ZNRF3: variants seen among roughly 807,000 people sequenced by gnomAD.
ZNRF3 encodes the protein zinc and ring finger 3, also known as E3 ubiquitin-protein ligase ZNRF3.
In ZNRF3, 23 loss-of-function variants were observed where a neutral mutation model predicts 72.5. The observed-to-expected ratio is 0.32, with a 90% confidence interval of 0.23 to 0.45. The LOEUF is 0.45. Among genes scored for constraint, ZNRF3 ranks in the 20% least tolerant of loss-of-function variants. ZNRF3 has a pLI of 1.00. For missense variants in ZNRF3, 1,169 were observed against 1,272.1 expected (o/e 0.92, Z 1.23); for synonymous variants, 610 against 545.3 (o/e 1.12, Z -1.65).
In ZNRF3 at chr22:29,050,004, G is replaced by C. The variant is rs2037160270; in HGVS notation, c.1823G>C (p.Ser608Thr). 4 of 1,611,816 alleles carry C rather than the reference G, an allele frequency of 2.5e-6. No homozygotes were observed. In the South Asian group the frequency reaches 4.4e-5, roughly 18 times the overall value. Residue 608 changes from serine (S) to threonine (T), a missense_variant, in exon 8 of 9, where the codon AGT becomes ACT. Physicochemically the swap from Ser to Thr is moderately conservative, Grantham distance 58. Around this residue, in one of 2 missense-constraint regions of ZNRF3, gnomAD observed 783 missense variants for 731.4 expected, o/e 1.07. Transcript: ENST00000544604. ...CGCAGCCGGAGCCCCTGTCGTGCCA[G>C]TGAGGCGGGGGGCTCGGGCAGCTCG... Reference protein sequence around the residue: ...IYRSRSPCRASEAGGSGSSGR... With the variant: ...IYRSRSPCRATEAGGSGSSGR...
At chr22:28,933,434 C>T (rs1044448182) in intron 1 of ZNRF3, among the ~76,000 whole-genome samples, 1 of 152,124 alleles carries the variant, frequency 6.6e-6, no homozygotes, top group Admixed American at 6.5e-5. Context: ...TTTGAGTCTC[C>T]TGGTGCTCAT....
Position 29,053,137 on chromosome 22 carries a change from G to A in ZNRF3, c.2768-442G>A, listed in dbSNP as rs150377435. Among the ~76,000 whole-genome samples the A allele has an allele frequency of 4.4e-3, 675 of 152,044 alleles. 8 individuals carry two copies. Among genetic ancestry groups the A allele is most frequent in the Non-Finnish European group, 2.8e-3 (190 of 67,998 alleles). On this transcript the variant is annotated intron_variant, in intron 8 of 8. Coordinates refer to ENST00000544604, the MANE Select transcript of ZNRF3 (RefSeq NM_001206998.2). ...CTCATTCCAGCCCCCAGACCTGTCCGCTACTTTTCTCCTCCAGATCTTAGG... is the reference window on the plus strand; with the variant it reads ...CTCATTCCAGCCCCCAGACCTGTCCACTACTTTTCTCCTCCAGATCTTAGG...
At position 29,048,529 on chromosome 22, in the gene ZNRF3, A is replaced by C. The variant is rs766266664; in HGVS notation, c.1015+38A>C. On this transcript the variant is annotated intron_variant, in intron 7 of 8. Coordinates refer to ENST00000544604, the MANE Select transcript of ZNRF3 (RefSeq NM_001206998.2). The surrounding 1 kb of genome is among the most constrained non-coding windows in gnomAD (Gnocchi z 4.9). Reference sequence around the variant, plus strand: ...CGCCTTAGCCATTGCTGAAGAGTCAAGTGCCTAGCTAGAGTGTGACACACA... The same window carrying C: ...CGCCTTAGCCATTGCTGAAGAGTCACGTGCCTAGCTAGAGTGTGACACACA... 6.3e-7 allele frequency: 1 copy of C among 1,595,390 alleles called. No homozygotes were observed. The highest frequency in any genetic ancestry group is 2.2e-5 in the East Asian group (1 of 44,754).
chr22:28,902,013 T>C (rs561104765), intron 1 of ZNRF3, among the ~76,000 whole-genome samples: 32 of 149,892 alleles, frequency 2.1e-4, no homozygotes, highest in Admixed American at 6.7e-4. Context: ...CTTGGCTCAC[T>C]GCAACCTCCG....
At chr22:28,920,931 G>A (rs1188105576) in intron 1 of ZNRF3, among the ~76,000 whole-genome samples, 3 of 152,208 alleles carry the variant, frequency 2.0e-5, no homozygotes, top group Non-Finnish European at 4.4e-5. Flanking sequence ...AAGTTTGAGT[G>A]ATTTGCCCCC....
intron 2 of ZNRF3, among the ~76,000 whole-genome samples, chr22:29,002,093 G>C (rs758780631): frequency 6.6e-6 from 1 of 152,312 alleles, no homozygotes; most frequent in African/African-American, 2.4e-5. Flanking sequence ...AGCCACAAAA[G>C]TCTCTATATA....
intron 1 of ZNRF3, among the ~76,000 whole-genome samples, chr22:28,937,920 T>C (rs1042852304): frequency 6.6e-6 from 1 of 152,242 alleles, no homozygotes; most frequent in Admixed American, 6.5e-5. Flanking sequence ...GTTGCAAAGA[T>C]AGAACAGAGG....
chr22:28,985,662 C>T lies in ZNRF3; in HGVS notation c.301-1414C>T, dbSNP rs2035844102. The stretch of plus-strand genomic sequence containing the variant: ...AGGCACTGGATTGTGAATCCAAGGG[C>T]CTGGTCACCTCTGGGTGTGCCACAT... On this transcript the variant is annotated intron_variant, in intron 1 of 8. Transcript: ENST00000544604. Among the ~76,000 whole-genome samples the T allele has an allele frequency of 2.6e-5, 4 of 152,194 alleles. No individual in the cohort carries two copies. The South Asian group carries it at 8.3e-4, about 31-fold the overall frequency.
At chr22:28,951,034 C>T (rs573130800) in intron 1 of ZNRF3, among the ~76,000 whole-genome samples, 3 of 152,224 alleles carry the variant, frequency 2.0e-5, no homozygotes, top group Non-Finnish European at 2.9e-5. Context: ...TTCTCTCTCC[C>T]ACATCTTTCT....
At chr22:28,995,707 CAA>C (rs985482023) in intron 2 of ZNRF3, among the ~76,000 whole-genome samples, 16 of 151,884 alleles carry the variant, frequency 1.1e-4, no homozygotes, top group Non-Finnish European at 2.4e-4. Context: ...CAGCAGTTCT[CAA>C]AGTGTGGCTG....
intron 2 of ZNRF3, among the ~76,000 whole-genome samples, chr22:28,988,906 G>A (rs1162786417): frequency 6.6e-6 from 1 of 152,136 alleles, no homozygotes; most frequent in Non-Finnish European, 1.5e-5. Context: ...GTTCTCCCAT[G>A]GTTTAGCGGT....
intron 1 of ZNRF3, among the ~76,000 whole-genome samples, chr22:28,984,243 C>T (rs1228190889): frequency 2.6e-5 from 4 of 152,196 alleles, no homozygotes; most frequent in Non-Finnish European, 2.9e-5. Context: ...ATCTTCACCA[C>T]CATCTAGTTC....
At chr22:29,006,244 G>A (rs1051672581) in intron 2 of ZNRF3, among the ~76,000 whole-genome samples, 1 of 61,922 alleles carries the variant, frequency 1.6e-5, no homozygotes, top group African/African-American at 6.1e-5. Context: ...AGACAGTTTT[G>A]TTCTTCTTGT....
At position 29,042,675 on chromosome 22, in the gene ZNRF3, CTCTTG is replaced by C. The variant is rs1043255712; in HGVS notation, c.501+111_501+115del. 6.0e-6 allele frequency: 6 copies of C among 1,000,492 alleles called. No individual in the cohort carries two copies. In the East Asian group the frequency reaches 1.5e-4, roughly 25 times the overall value. The allele number at this position is 1,000,492 out of a possible 1,614,324, so 62.0% of individuals were successfully genotyped here. ...TGTCACCCTCATCTCAGAGCATTTG[CTCTTG>C]TCTTCTGAAGTTAGGTGTCCATGTT... On this transcript the variant is annotated intron_variant, in intron 3 of 8. Transcript: ENST00000544604.
intron 1 of ZNRF3, among the ~76,000 whole-genome samples, chr22:28,945,520 G>A (rs1214823680): frequency 1.3e-5 from 2 of 151,154 alleles, no homozygotes; most frequent in Non-Finnish European, 2.9e-5. Flanking sequence ...GGCAAAACCC[G>A]TCTCTATTTT....
At chr22:28,978,626 T>G (rs943626857) in intron 1 of ZNRF3, among the ~76,000 whole-genome samples, 11 of 152,220 alleles carry the variant, frequency 7.2e-5, no homozygotes, top group African/African-American at 2.4e-4. Flanking sequence ...TTGATTAAAA[T>G]AATTCACGTG....
intron 1 of ZNRF3, among the ~76,000 whole-genome samples, chr22:28,936,146 C>G (rs969984746): frequency 6.6e-6 from 1 of 152,222 alleles, no homozygotes; most frequent in Non-Finnish European, 1.5e-5. Flanking sequence ...TGAATCTCCA[C>G]TTACGGTGCT....
chr22:28,951,579 G>A (rs1406230434), intron 1 of ZNRF3, among the ~76,000 whole-genome samples: 1 of 152,174 alleles, frequency 6.6e-6, no homozygotes, highest in Non-Finnish European at 1.5e-5. Flanking sequence ...TGGACTTCTA[G>A]TCTCAACTGC....
At chr22:29,032,934 CAGAG>C (rs2036790013) in intron 2 of ZNRF3, among the ~76,000 whole-genome samples, 1 of 152,198 alleles carries the variant, frequency 6.6e-6, no homozygotes, top group Non-Finnish European at 1.5e-5. Flanking sequence ...AATACCTGAA[CAGAG>C]AGAGAAGCAG....
Sources: gnomAD v4.1 joint callset for allele counts (sites outside exome capture counted in the v4.1 genomes callset) on GRCh38, gnomAD v4.1.1 for gene constraint, gnomAD v4.1.1 regional missense constraint, Gnocchi (gnomAD v3.1) non-coding constraint, MANE v1.5 for transcripts, NCBI Gene and HGNC (gene_info 2026-07-23, HGNC 2026-07-21) for gene names.